Variants in SEMA5A observed in about 807,000 individuals in gnomAD.
SEMA5A encodes semaphorin 5A, also known as semaphorin-5A.
A neutral mutation model predicts 135.5 loss-of-function variants in SEMA5A; 55 were observed. That is an observed-to-expected ratio of 0.41 (90% CI 0.33 to 0.51). The LOEUF (loss-of-function observed/expected upper bound fraction) is 0.51. Among genes scored for constraint, SEMA5A ranks in the 20% least tolerant of loss-of-function variants. SEMA5A has a pLI of 0.37. For missense variants in SEMA5A, 1,290 were observed against 1,419.9 expected (o/e 0.91, Z 1.47); for synonymous variants, 580 against 546.5 (o/e 1.06, Z -0.85).
At chr5:9,418,028 T>C (rs417157) in intron 2 of SEMA5A, among the ~76,000 whole-genome samples, 1 of 151,436 alleles carries the variant, frequency 6.6e-6, no homozygotes, top group Non-Finnish European at 1.5e-5. Flanking sequence ...CCAGGCTGGA[T>C]TGCAGTGGCG....
chr5:9,471,428 T>C (rs892168805), intron 1 of SEMA5A, among the ~76,000 whole-genome samples: 6 of 152,290 alleles, frequency 3.9e-5, no homozygotes, highest in African/African-American at 1.2e-4. Flanking sequence ...AATTCTCTAA[T>C]TGAGTGAGTT....
At chr5:9,116,451 TG>T (rs1740518253) in intron 15 of SEMA5A, among the ~76,000 whole-genome samples, 1 of 152,200 alleles carries the variant, frequency 6.6e-6, no homozygotes, top group South Asian at 2.1e-4. Context: ...AAAAAGAAAC[TG>T]TCTATACATT....
intron 4 of SEMA5A, among the ~76,000 whole-genome samples, chr5:9,324,754 T>A (rs569139837): frequency 5.6e-4 from 86 of 152,332 alleles, no homozygotes; most frequent in African/African-American, 2.0e-3. Flanking sequence ...TCCAAGGTAT[T>A]ACAGAAGAGG....
intron 1 of SEMA5A, among the ~76,000 whole-genome samples, chr5:9,483,632 A>G (rs411172): frequency 0.58 from 88,518 of 152,054 alleles, 25,966 homozygotes; most frequent in African/African-American, 0.63. Flanking sequence ...TGAAAATCCC[A>G]CAATACGGAT....
At chr5:9,521,534 G>C (rs1579678962) in intron 1 of SEMA5A, among the ~76,000 whole-genome samples, 2 of 152,306 alleles carry the variant, frequency 1.3e-5, no homozygotes, top group East Asian at 3.9e-4. Context: ...AAACAAAAAA[G>C]GTGGATGTGA....
chr5:9,133,003 C>G (rs4588558), intron 13 of SEMA5A, among the ~76,000 whole-genome samples: 2 of 152,148 alleles, frequency 1.3e-5, no homozygotes, highest in East Asian at 1.9e-4. Context: ...TTTACCATCT[C>G]TAAAATAAAC....
At chr5:9,292,931 A>C (rs1258019068) in intron 5 of SEMA5A, among the ~76,000 whole-genome samples, 4 of 152,192 alleles carry the variant, frequency 2.6e-5, no homozygotes. Context: ...CAGAACCCCC[A>C]TGACCAAGAA....
intron 2 of SEMA5A, among the ~76,000 whole-genome samples, chr5:9,405,433 G>A (rs111914169): frequency 1.4e-3 from 217 of 152,280 alleles, no homozygotes; most frequent in African/African-American, 5.0e-3. Context: ...TTTCTTCTGA[G>A]CCTGTGTCAG....
At chr5:9,286,678 TCATA>T (rs1382850485) in intron 5 of SEMA5A, among the ~76,000 whole-genome samples, 1 of 151,836 alleles carries the variant, frequency 6.6e-6, no homozygotes, top group Non-Finnish European at 1.5e-5. Context: ...AATCATTCAT[TCATA>T]TTTTCATAAT....
chr5:9,525,098 G>A (rs1439398201), intron 1 of SEMA5A, among the ~76,000 whole-genome samples: 1 of 152,198 alleles, frequency 6.6e-6, no homozygotes, highest in Non-Finnish European at 1.5e-5. Context: ...TTAGGCCAAA[G>A]GTTGAACACT....
intron 18 of SEMA5A, among the ~76,000 whole-genome samples, chr5:9,056,454 G>C (rs1736897920): frequency 6.6e-6 from 1 of 152,206 alleles, no homozygotes; most frequent in Non-Finnish European, 1.5e-5. Flanking sequence ...GGGCATGGTG[G>C]CTCACACCTG....
At chr5:9,452,194 C>T (rs13361369) in intron 1 of SEMA5A, among the ~76,000 whole-genome samples, 20,690 of 152,204 alleles carry the variant, frequency 0.14, 1,830 homozygotes, top group African/African-American at 0.24. Context: ...AATGACATGG[C>T]TTTGTTCCCC....
chr5:9,284,128 G>C (rs1485024937), intron 5 of SEMA5A, among the ~76,000 whole-genome samples: 1 of 152,022 alleles, frequency 6.6e-6, no homozygotes, highest in African/African-American at 2.4e-5. Context: ...GAGAGAGAGA[G>C]AGAGATAAGA....
At chr5:9,061,378 C>T (rs1200404087) in intron 18 of SEMA5A, among the ~76,000 whole-genome samples, 1 of 152,120 alleles carries the variant, frequency 6.6e-6, no homozygotes, top group Non-Finnish European at 1.5e-5. Context: ...ATGTGCCAGG[C>T]CCCTGCTGGG....
chr5:9,100,120 G>A (rs1739545329), intron 16 of SEMA5A, among the ~76,000 whole-genome samples: 1 of 152,218 alleles, frequency 6.6e-6, no homozygotes, highest in East Asian at 1.9e-4. Flanking sequence ...GCTATGCGAT[G>A]ACTGGGAAGT....
rs114407483 is a variant in SEMA5A at position 9,146,009 on chromosome 5, G to A, written c.1481+8479C>T. Among the ~76,000 whole-genome samples, 1,239 of 152,072 alleles carry A rather than the reference G, an allele frequency of 8.1e-3. 5 individuals carry two copies. The highest frequency in any genetic ancestry group is 0.021 in the South Asian group (102 of 4,814). ...TTTCTCAACTGAAGTACAAACAGTT[G>A]GTAATAGATTTTCAAACTTTACCCA... On this transcript the variant is annotated intron_variant, in intron 12 of 22. Transcript: ENST00000382496.
intron 1 of SEMA5A, among the ~76,000 whole-genome samples, chr5:9,505,806 T>C (rs1265973295): frequency 6.6e-6 from 1 of 152,244 alleles, no homozygotes; most frequent in African/African-American, 2.4e-5. Context: ...ATAAGTACCA[T>C]GACTTTTCTT....
At chr5:9,213,048 A>C (rs1355756388) in intron 8 of SEMA5A, among the ~76,000 whole-genome samples, 1 of 152,138 alleles carries the variant, frequency 6.6e-6, no homozygotes, top group Non-Finnish European at 1.5e-5. Flanking sequence ...GCACCTTCTC[A>C]CTGTGTCCTC....
intron 2 of SEMA5A, among the ~76,000 whole-genome samples, chr5:9,392,671 A>G (rs1202880033): frequency 6.6e-6 from 1 of 152,320 alleles, no homozygotes; most frequent in Non-Finnish European, 1.5e-5. Context: ...ACTGGAATAC[A>G]AGTAACTGGA....
Sources: gnomAD v4.1 joint callset for allele counts (sites outside exome capture counted in the v4.1 genomes callset) on GRCh38, gnomAD v4.1.1 for gene constraint, MANE v1.5 for transcripts, NCBI Gene and HGNC (gene_info 2026-07-23, HGNC 2026-07-21) for gene names.